Variants in ANO3 observed in about 807,000 individuals in gnomAD.
The protein encoded by ANO3 is anoctamin-3.
Under a neutral mutation model 144.8 loss-of-function variants are expected in ANO3, and 99 were observed. The observed-to-expected ratio is 0.68, with a 90% CI of 0.58 to 0.81. The LOEUF is 0.81. Among genes scored for constraint, ANO3 ranks in the 30% least tolerant of loss-of-function variants. The pLI is 0.00. For synonymous variants in ANO3, 414 were observed against 392.6 expected (o/e 1.05, Z -0.64); for missense variants, 905 against 1,202.2 (o/e 0.75, Z 3.66).
chr11:26,373,806 T>G (rs1482803055), intron 1 of ANO3, among the ~76,000 whole-genome samples: 1 of 152,150 alleles, frequency 6.6e-6, no homozygotes, highest in African/African-American at 2.4e-5. Flanking sequence ...AACAGTTTGG[T>G]AAGTCTTTTG....
At chr11:26,191,361 C>CATATAT (rs745734397) in intron 1 of ANO3, among the ~76,000 whole-genome samples, 1 of 150,716 alleles carries the variant, frequency 6.6e-6, no homozygotes, top group East Asian at 1.9e-4. Flanking sequence ...CACACACACA[C>CATATAT]ATATATATAT....
At chr11:26,612,068 A>G (rs1301958979) in intron 17 of ANO3, among the ~76,000 whole-genome samples, 1 of 152,076 alleles carries the variant, frequency 6.6e-6, no homozygotes, top group African/African-American at 2.4e-5. Flanking sequence ...GCTACTCAGT[A>G]TCTTTTAATT....
intron 14 of ANO3, among the ~76,000 whole-genome samples, chr11:26,578,770 C>T (rs141725853): frequency 2.1e-4 from 32 of 152,238 alleles, no homozygotes; most frequent in African/African-American, 7.0e-4. Flanking sequence ...GTTATAGGCT[C>T]CCTGTAGATT....
intron 5 of ANO3, among the ~76,000 whole-genome samples, chr11:26,510,157 T>TAAAAAAA (rs1861609100): frequency 2.5e-5 from 1 of 39,888 alleles, no homozygotes; most frequent in Non-Finnish European, 4.5e-5. Flanking sequence ...AAAAAAAGAG[T>TAAAAAAA]AGAAAAGAAA....
At chr11:26,230,929 G>C (rs1305819760) in intron 1 of ANO3, among the ~76,000 whole-genome samples, 1 of 126,932 alleles carries the variant, frequency 7.9e-6, no homozygotes, top group Non-Finnish European at 1.6e-5. Flanking sequence ...GTCTCCCTCT[G>C]TTGCCCCAGC....
At position 26,663,239 on chromosome 11, in the gene ANO3, T is replaced by C. The variant is rs1853928757; in HGVS notation, c.*2795T>C. 1 of 152,098 alleles carries C rather than the reference T, an allele frequency of 6.6e-6. No homozygotes were observed. Among genetic ancestry groups the C allele is most frequent in the African/African-American group, 2.4e-5 (1 of 41,434 alleles). The allele number at this position is 152,098 out of a possible 1,614,324, so 9.4% of individuals were successfully genotyped here. A position where few individuals can be genotyped will look rare whatever the true frequency, so the allele number is the denominator to read the frequency against. On this transcript the variant is annotated 3_prime_UTR_variant, in exon 27 of 27. Coordinates refer to ENST00000256737, the MANE Select transcript of ANO3 (RefSeq NM_031418.4). ...ATCCTTAGCACAATCTATTGTATGA[T>C]GGAATGAATAGAAAACTTTTTCACT...
intron 1 of ANO3, among the ~76,000 whole-genome samples, chr11:26,284,770 C>G (rs11029473): frequency 0.06 from 9,088 of 151,946 alleles, 495 homozygotes; most frequent in African/African-American, 0.14. Flanking sequence ...GCCGGGCGTG[C>G]TGGCGGGCGC....
intron 5 of ANO3, among the ~76,000 whole-genome samples, chr11:26,512,781 C>G (rs1171029771): frequency 6.6e-6 from 1 of 152,098 alleles, no homozygotes; most frequent in Non-Finnish European, 1.5e-5. Flanking sequence ...GAATTAATAA[C>G]CAGTACTAGG....
At chr11:26,582,439 C>T (rs1055217272) in intron 14 of ANO3, among the ~76,000 whole-genome samples, 5 of 152,104 alleles carry the variant, frequency 3.3e-5, no homozygotes, top group South Asian at 4.2e-4. Context: ...ACAAGTTGTT[C>T]CAGGGACTGA....
intron 1 of ANO3, among the ~76,000 whole-genome samples, chr11:26,218,980 C>T (rs1310623271): frequency 1.3e-5 from 2 of 152,176 alleles, no homozygotes; most frequent in African/African-American, 4.8e-5. Context: ...TGCTTACCAC[C>T]TACTAGGTTA....
chr11:26,439,483 G>A (rs531604946), intron 1 of ANO3, among the ~76,000 whole-genome samples: 1 of 152,326 alleles, frequency 6.6e-6, no homozygotes, highest in East Asian at 1.9e-4. Context: ...GGGATCGGCT[G>A]CGAATAGGTA....
At chr11:26,564,927 T>G (rs912946348) in intron 14 of ANO3, among the ~76,000 whole-genome samples, 2 of 150,546 alleles carry the variant, frequency 1.3e-5, no homozygotes, top group Non-Finnish European at 3.0e-5. Flanking sequence ...AACTTCACAT[T>G]TTGTCCCATT....
At chr11:26,510,388 C>T (rs1381922710) in intron 5 of ANO3, among the ~76,000 whole-genome samples, 1 of 152,038 alleles carries the variant, frequency 6.6e-6, no homozygotes, top group African/African-American at 2.4e-5. Context: ...CGCCCACACC[C>T]AATCACTGGT....
chr11:26,490,266 C>T (rs1190960952), intron 4 of ANO3, among the ~76,000 whole-genome samples: 1 of 152,130 alleles, frequency 6.6e-6, no homozygotes. Flanking sequence ...ATGCCTTTTG[C>T]CTCCTGCCAT....
intron 1 of ANO3, among the ~76,000 whole-genome samples, chr11:26,273,896 C>T (rs1853503027): frequency 6.6e-6 from 1 of 152,036 alleles, no homozygotes; most frequent in Admixed American, 6.5e-5. Flanking sequence ...ATCATATATA[C>T]TATATAAAAC....
chr11:26,336,698 C>T (rs1303016661), intron 1 of ANO3, among the ~76,000 whole-genome samples: 1 of 152,006 alleles, frequency 6.6e-6, no homozygotes, highest in Non-Finnish European at 1.5e-5. Flanking sequence ...TAACTGACAT[C>T]CTTACAATCT....
rs1408780131 is a variant in ANO3, at chr11:26,441,918, G to A, written c.47G>A (p.Gly16Asp). 1 of 1,609,192 alleles carries A rather than the reference G, an allele frequency of 6.2e-7. No individual in the cohort carries two copies. Among genetic ancestry groups the A allele is most frequent in the Non-Finnish European group, 8.5e-7 (1 of 1,178,166 alleles). ...AAAACTCAACATTTTGGATTTGCAG[G>A]TATGAATATAAGCAAGAGTGAGATA... ...GSIQSFKQQK[G>D]MNISKSEITK... The change falls in exon 2 of 27, where the codon GGT (glycine) becomes GAT (aspartate). Residue 16 changes from glycine (G) to aspartate (D), a missense_variant and splice_region_variant. By Grantham distance (94) the Gly-to-Asp change is moderately conservative. Transcript: ENST00000256737.
intron 21 of ANO3, among the ~76,000 whole-genome samples, chr11:26,641,438 AG>A (rs1246965028): frequency 9.9e-5 from 15 of 152,258 alleles, no homozygotes; most frequent in African/African-American, 3.6e-4. Flanking sequence ...CTGTTCAGAG[AG>A]TATAGCTCTG....
intron 1 of ANO3, among the ~76,000 whole-genome samples, chr11:26,297,245 C>CTT (rs143854075): frequency 2.0e-5 from 3 of 150,254 alleles, no homozygotes; most frequent in Non-Finnish European, 4.4e-5. Flanking sequence ...ATCTGTGTTT[C>CTT]TTTTTTTTAT....
Sources: allele counts gnomAD v4.1 joint callset (sites outside exome capture counted in the v4.1 genomes callset), GRCh38; gene constraint gnomAD v4.1.1; transcripts MANE v1.5; gene names NCBI Gene and HGNC (gene_info 2026-07-23, HGNC 2026-07-21).